Variants in DIP2C observed in about 807,000 individuals in gnomAD.
DIP2C encodes the protein DIP2 acetate--CoA ligase C (putative).
DIP2C carries 33 observed loss-of-function variants against 192.4 expected under a neutral mutation model. The ratio of observed to expected loss-of-function variants is 0.17; its 90% confidence interval spans 0.13 to 0.23. DIP2C has a LOEUF of 0.23. DIP2C is among the 10% of genes least tolerant of loss of function. The pLI is 1.00. For synonymous variants in DIP2C, 979 were observed against 864.1 expected (o/e 1.13, Z -2.33); for missense variants, 1,537 against 2,110.1 (o/e 0.73, Z 5.32).
chr10:519,454 G>A (rs559634887), intron 1 of DIP2C, among the ~76,000 whole-genome samples: 4 of 152,312 alleles, frequency 2.6e-5, no homozygotes, highest in African/African-American at 7.2e-5. Context: ...GACCCCGCGT[G>A]GTATTGGATA....
intron 4 of DIP2C, among the ~76,000 whole-genome samples, chr10:433,541 CATG>C (rs1199977212): frequency 6.6e-6 from 1 of 152,040 alleles, no homozygotes; most frequent in East Asian, 1.9e-4. Flanking sequence ...AATAGCCAGG[CATG>C]ATGACAAATG....
intron 26 of DIP2C, among the ~76,000 whole-genome samples, chr10:346,484 C>T (rs1319166813): frequency 7.7e-5 from 9 of 116,892 alleles, no homozygotes; most frequent in Non-Finnish European, 1.2e-4. Context: ...ATAGTTCTCC[C>T]GGAAACCCCA....
intron 1 of DIP2C, among the ~76,000 whole-genome samples, chr10:540,506 C>T (rs549592503): frequency 2.0e-5 from 3 of 152,304 alleles, no homozygotes; most frequent in South Asian, 4.1e-4. Context: ...TCTCCTTGCC[C>T]CTTCTCTCAC....
At chr10:400,377 T>C (rs988286618) in intron 9 of DIP2C, among the ~76,000 whole-genome samples, 1 of 152,184 alleles carries the variant, frequency 6.6e-6, no homozygotes, top group Admixed American at 6.5e-5. Context: ...CGAAGAACAA[T>C]TTTCCTTCGA....
At chr10:682,879 T>C (rs764014325) in intron 1 of DIP2C, among the ~76,000 whole-genome samples, 5 of 152,196 alleles carry the variant, frequency 3.3e-5, no homozygotes, top group Non-Finnish European at 5.9e-5. Context: ...TTCCAAGCTA[T>C]TAGCGAAACA....
Position 450,917 on chromosome 10 carries a change from G to A in DIP2C, c.269-9921C>T, listed in dbSNP as rs1968792917. Among the ~76,000 whole-genome samples the A allele has an allele frequency of 2.0e-5, 3 of 152,186 alleles. No individual in the cohort carries two copies. The South Asian group carries it at 6.2e-4, about 32-fold the overall frequency. Reference sequence around the variant, plus strand: ...CTGTCACTTACACACACACAGACATGTACAGGTCTGTATGTGCGTACATGT... The same window carrying A: ...CTGTCACTTACACACACACAGACATATACAGGTCTGTATGTGCGTACATGT... On this transcript the variant is annotated intron_variant, in intron 3 of 36. Coordinates refer to ENST00000280886, the MANE Select transcript of DIP2C (RefSeq NM_014974.3).
rs374799962 is a variant in DIP2C at position 295,424 on chromosome 10, G to A, written c.3987-7003C>T. Reference sequence around the variant, plus strand: ...AAAATACCAAAAATTAGCCGGGTGCGGTGGCGGGCGCCTGTAATCCCAGCT... The same window carrying A: ...AAAATACCAAAAATTAGCCGGGTGCAGTGGCGGGCGCCTGTAATCCCAGCT... On this transcript the variant is annotated intron_variant, in intron 32 of 36. Coordinates refer to ENST00000280886, the MANE Select transcript of DIP2C (RefSeq NM_014974.3). Among the ~76,000 whole-genome samples, 159 of 151,788 alleles carry A rather than the reference G, an allele frequency of 1.0e-3. 1 individual carries two copies. The highest frequency in any genetic ancestry group is 3.5e-3 in the African/African-American group (144 of 41,400).
chr10:297,241 TACACAC>T lies in DIP2C; in HGVS notation c.3987-8826_3987-8821del, dbSNP rs140637166. On this transcript the variant is annotated intron_variant, in intron 32 of 36. Coordinates refer to ENST00000280886, the MANE Select transcript of DIP2C (RefSeq NM_014974.3). ...ACCAACCCCCCCCCACCCCACCACA[TACACAC>T]ACACACACACACACACACACACACA... Among the ~76,000 whole-genome samples, 184 of 115,592 alleles carry T rather than the reference TACACAC, an allele frequency of 1.6e-3. 2 individuals carry two copies. The highest frequency in any genetic ancestry group is 6.5e-3 in the South Asian group (19 of 2,932). The allele number at this position is 115,592 out of a possible 152,430, so 75.8% of individuals were successfully genotyped here. A position where few individuals can be genotyped will look rare whatever the true frequency, so the allele number is the denominator to read the frequency against.
intron 1 of DIP2C, among the ~76,000 whole-genome samples, chr10:637,196 G>C (rs1854886101): frequency 6.6e-6 from 1 of 152,002 alleles, no homozygotes; most frequent in South Asian, 2.1e-4. Context: ...TGTCCACCTA[G>C]GCTGCTGTAA....
intron 1 of DIP2C, among the ~76,000 whole-genome samples, chr10:540,306 TCACA>T (rs1447431623): frequency 2.6e-5 from 4 of 152,372 alleles, no homozygotes; most frequent in South Asian, 4.1e-4. Flanking sequence ...AGCACCATCC[TCACA>T]CAATTATCTC....
chr10:400,065 G>A (rs1283305350), intron 9 of DIP2C, among the ~76,000 whole-genome samples: 1 of 152,072 alleles, frequency 6.6e-6, no homozygotes, highest in South Asian at 2.1e-4. Context: ...TTTTTCTAAA[G>A]AAACAAGTTC....
chr10:348,055 ACCCAGACGCG>A (rs1206434501), intron 26 of DIP2C, among the ~76,000 whole-genome samples: 1 of 151,606 alleles, frequency 6.6e-6, no homozygotes, highest in African/African-American at 2.4e-5. Context: ...CCCCACACGC[ACCCAGACGCG>A]TCGCCACACT....
intron 1 of DIP2C, among the ~76,000 whole-genome samples, chr10:574,503 C>G (rs1417748643): frequency 6.6e-6 from 1 of 152,202 alleles, no homozygotes. Context: ...CCAAGCCCAG[C>G]TAAATGGAAA....
rs547557289 is a variant in DIP2C, at chr10:652,354, G to C, written c.85+37140C>G. On this transcript the variant is annotated intron_variant, in intron 1 of 36. Coordinates refer to ENST00000280886, the MANE Select transcript of DIP2C (RefSeq NM_014974.3). The surrounding 1 kb of genome is among the most constrained non-coding windows in gnomAD (Gnocchi z 4.5). ...TGGGCTCACCTCCCAGCCCGAGGCTGAGAACTGAGTTCCAGTCCCGGGGTG... is the reference window on the plus strand; with the variant it reads ...TGGGCTCACCTCCCAGCCCGAGGCTCAGAACTGAGTTCCAGTCCCGGGGTG... 3.6e-5 allele frequency: 7 copies of C among 196,984 alleles called. No individual in the cohort carries two copies. The highest frequency in any genetic ancestry group is 1.8e-4 in the East Asian group (1 of 5,452). 12.2% of individuals were successfully genotyped at this position (196,984 alleles called of 1,614,324 possible).
At chr10:332,729 T>C (rs1461142655) in intron 29 of DIP2C, among the ~76,000 whole-genome samples, 1 of 152,210 alleles carries the variant, frequency 6.6e-6, no homozygotes. Context: ...AATTTGATGA[T>C]TTCAGATTAC....
chr10:568,533 C>T (rs938431832), intron 1 of DIP2C, among the ~76,000 whole-genome samples: 2 of 151,828 alleles, frequency 1.3e-5, no homozygotes, highest in South Asian at 2.1e-4. Context: ...TTTGGGAGGC[C>T]GAGACGGGCG....
At chr10:649,207 A>G (rs1282442814) in intron 1 of DIP2C, among the ~76,000 whole-genome samples, 1 of 150,450 alleles carries the variant, frequency 6.6e-6, no homozygotes, top group Non-Finnish European at 1.5e-5. Context: ...GGTGGGAGAG[A>G]ACAGAGGGAA....
At chr10:601,612 CCTAA>C (rs1852078198) in intron 1 of DIP2C, among the ~76,000 whole-genome samples, 1 of 152,188 alleles carries the variant, frequency 6.6e-6, no homozygotes, top group Non-Finnish European at 1.5e-5. Flanking sequence ...TCCTGCCCAC[CCTAA>C]CTGTCCTCTG....
At chr10:555,318 C>T (rs1009569812) in intron 1 of DIP2C, among the ~76,000 whole-genome samples, 2 of 152,060 alleles carry the variant, frequency 1.3e-5, no homozygotes, top group African/African-American at 2.4e-5. Flanking sequence ...TTTTCCCACA[C>T]GTTTGCTTCC....
Sources: gnomAD v4.1 joint callset for allele counts (sites outside exome capture counted in the v4.1 genomes callset) on GRCh38, gnomAD v4.1.1 for gene constraint, Gnocchi (gnomAD v3.1) non-coding constraint, MANE v1.5 for transcripts, NCBI Gene and HGNC (gene_info 2026-07-23, HGNC 2026-07-21) for gene names.